The following PTK2 variants were observed in gnomAD, a reference collection of about 807,000 sequenced individuals.
PTK2 encodes the protein focal adhesion kinase 1.
Under a neutral mutation model 150.1 loss-of-function variants are expected in PTK2, and 45 were observed. The ratio of observed to expected loss-of-function variants is 0.30; its 90% CI spans 0.24 to 0.38. PTK2 has a LOEUF of 0.38. Ranked by LOEUF, PTK2 falls within the 10% of genes least tolerant of loss-of-function variation. PTK2 has a pLI of 1.00. For synonymous variants in PTK2, 432 were observed against 449.2 expected (o/e 0.96, Z 0.48); for missense variants, 919 against 1,307.3 (o/e 0.70, Z 4.58).
At chr8:140,828,931 G>A (rs2100113591) in intron 8 of PTK2, among the ~76,000 whole-genome samples, 1 of 152,084 alleles carries the variant, frequency 6.6e-6, no homozygotes, top group African/African-American at 2.4e-5. Context: ...AAAACTCTTT[G>A]TTCTCTTTCA....
chr8:140,875,800 A>C (rs2100145133), intron 4 of PTK2, among the ~76,000 whole-genome samples: 1 of 152,202 alleles, frequency 6.6e-6, no homozygotes, highest in Non-Finnish European at 1.5e-5. Context: ...TTAATGCCCA[A>C]GGCAGGTGTA....
At position 140,944,493 on chromosome 8, in the gene PTK2, C is replaced by A. The variant is rs73356540; in HGVS notation, c.-121-18744G>T. ...GAGGAATCTTGGACTGTCTTCTTAA[C>A]TTCTCTAAGCCCAGTTTCTCATCTG... is the stretch of plus-strand genomic sequence containing the variant. On this transcript the variant is annotated intron_variant, in intron 1 of 31. Coordinates refer to ENST00000522684, the Ensembl canonical transcript of PTK2. Among the ~76,000 whole-genome samples the A allele has an allele frequency of 4.2e-3, 633 of 152,302 alleles. 9 individuals are homozygous for A. Among genetic ancestry groups the A allele is most frequent in the African/African-American group, 0.014 (601 of 41,568 alleles).
At chr8:140,774,124 C>G (rs1439964943) in intron 14 of PTK2, among the ~76,000 whole-genome samples, 1 of 152,224 alleles carries the variant, frequency 6.6e-6, no homozygotes, top group Non-Finnish European at 1.5e-5. Context: ...TGAAAAATGA[C>G]AGACGATGTC....
chr8:140,923,713 C>T (rs1191918388), intron 2 of PTK2, among the ~76,000 whole-genome samples: 1 of 152,188 alleles, frequency 6.6e-6, no homozygotes, highest in Non-Finnish European at 1.5e-5. Flanking sequence ...GTTCTGTGAC[C>T]TTTACACCAA....
At chr8:140,836,452 T>C (rs2100118694) in intron 7 of PTK2, among the ~76,000 whole-genome samples, 1 of 152,156 alleles carries the variant, frequency 6.6e-6, no homozygotes, top group African/African-American at 2.4e-5. Flanking sequence ...AATGGTAAAA[T>C]TAAAGTAACC....
At chr8:140,924,840 G>C (rs931361420) in intron 2 of PTK2, among the ~76,000 whole-genome samples, 3 of 152,136 alleles carry the variant, frequency 2.0e-5, no homozygotes, top group African/African-American at 7.2e-5. Flanking sequence ...AACTTTCACC[G>C]CAAATTTTAA....
In PTK2 at chr8:140,830,611, A is replaced by G; in HGVS notation, c.594-85T>C. ...ACTTGCAAGAACATAAAAGCACTGT[A>G]AATTATTTATCCTTCCATATATTAT... On this transcript the variant is annotated intron_variant, in intron 7 of 31. Transcript: ENST00000522684. 4 of 785,184 alleles carry G rather than the reference A, an allele frequency of 5.1e-6. No homozygotes were observed. The South Asian group carries it at 7.4e-5, about 14-fold the overall frequency. 48.6% of individuals were successfully genotyped at this position (785,184 alleles called of 1,614,324 possible).
intron 29 of PTK2, among the ~76,000 whole-genome samples, chr8:140,672,318 C>T (rs1417522189): frequency 2.6e-5 from 4 of 152,210 alleles, no homozygotes; most frequent in South Asian, 4.1e-4. Flanking sequence ...CATAGAGGTG[C>T]GCCACCATGT....
chr8:140,992,074 C>T (rs2100195900), intron 1 of PTK2, among the ~76,000 whole-genome samples: 1 of 151,982 alleles, frequency 6.6e-6, no homozygotes, highest in Admixed American at 6.6e-5. Flanking sequence ...GGCAGATCAC[C>T]TGAGGTCAGG....
chr8:140,881,546 C>T (rs192399048), intron 3 of PTK2, among the ~76,000 whole-genome samples: 1 of 152,198 alleles, frequency 6.6e-6, no homozygotes, highest in Non-Finnish European at 1.5e-5. Flanking sequence ...ATTCAAGAGG[C>T]GGCTCTCTCT....
chr8:140,880,101 T>A (rs1425995960), intron 3 of PTK2, among the ~76,000 whole-genome samples: 1 of 152,152 alleles, frequency 6.6e-6, no homozygotes, highest in Non-Finnish European at 1.5e-5. Context: ...ATCATTTTTT[T>A]AAAAAAACAT....
intron 28 of PTK2, 54 bp downstream of exon 31, chr8:140,675,406 C>T (rs756152517): frequency 1.3e-6 from 2 of 1,577,346 alleles, no homozygotes; most frequent in Non-Finnish European, 1.7e-6. Flanking sequence ...CATTCAAAAC[C>T]TGCTTTCATC....
intron 14 of PTK2, among the ~76,000 whole-genome samples, chr8:140,774,541 C>T (rs1426540871): frequency 1.3e-5 from 2 of 152,150 alleles, no homozygotes; most frequent in African/African-American, 4.8e-5. Flanking sequence ...TTATCAGAGG[C>T]ATCCGACCCA....
intron 14 of PTK2, among the ~76,000 whole-genome samples, chr8:140,782,254 T>TGGG (rs11375755): frequency 0.01 from 1,382 of 138,054 alleles, 23 homozygotes; most frequent in African/African-American, 0.032. Context: ...TTTTTTTTTT[T>TGGG]GGGGGGGGGG....
chr8:140,881,118 TC>T (rs2154607102), intron 3 of PTK2, among the ~76,000 whole-genome samples: 1 of 152,284 alleles, frequency 6.6e-6, no homozygotes, highest in South Asian at 2.1e-4. Flanking sequence ...GCCTACAGAC[TC>T]CTATGTGGAA....
chr8:140,800,316 G>A (rs2100094233), intron 12 of PTK2, 143 bp downstream of exon 12: 1 of 712,900 alleles, frequency 1.4e-6, no homozygotes, highest in Admixed American at 2.0e-5. Flanking sequence ...AGAAAAATAA[G>A]TCCTCAGATT....
chr8:140,884,818 G>A (rs1220920642), intron 3 of PTK2, among the ~76,000 whole-genome samples: 1 of 152,088 alleles, frequency 6.6e-6, no homozygotes. Context: ...CTACCAGCTT[G>A]GTAACAGTAA....
chr8:140,739,992 G>A (rs974959823), intron 20 of PTK2, among the ~76,000 whole-genome samples: 8 of 152,190 alleles, frequency 5.3e-5, no homozygotes, highest in African/African-American at 1.2e-4. Context: ...ATGCATCAGC[G>A]CAGACTACAC....
intron 14 of PTK2, chr8:140,771,077 TCA>T (rs975571264): frequency 8.4e-5 from 13 of 155,062 alleles, no homozygotes; most frequent in Non-Finnish European, 1.3e-4. Flanking sequence ...AGTTGAATAT[TCA>T]GATATTTTTC....
Sources: allele counts gnomAD v4.1 joint callset (sites outside exome capture counted in the v4.1 genomes callset), GRCh38; gene constraint gnomAD v4.1.1; transcripts MANE v1.5; gene names NCBI Gene and HGNC (gene_info 2026-07-23, HGNC 2026-07-21).